JAKMIP3: variants seen among roughly 807,000 people sequenced by gnomAD.
JAKMIP3 encodes the protein Janus kinase and microtubule interacting protein 3, also known as janus kinase and microtubule-interacting protein 3.
JAKMIP3 carries 58 observed loss-of-function variants against 118.5 expected under a neutral mutation model. The observed-to-expected ratio is 0.49, with a 90% CI of 0.40 to 0.61. The LOEUF (loss-of-function observed/expected upper bound fraction) is 0.61, where lower values mean the gene tolerates loss of function less well. Among genes scored for constraint, JAKMIP3 ranks in the 20% least tolerant of loss-of-function variants. JAKMIP3 has a pLI of 0.00. For synonymous variants in JAKMIP3, 486 were observed against 451.2 expected (o/e 1.08, Z -0.98); for missense variants, 950 against 1,109.0 (o/e 0.86, Z 2.04).
At position 132,149,539 on chromosome 10, in the gene JAKMIP3, C is replaced by CCCCACCTCACCCATCCCCCG. The variant is rs2055407068; in HGVS notation, c.1947+32_1947+33insACCTCACCCATCCCCCGCCC. ...AGTCCCGCCCCTCCTGCCCACTCCG[C>CCCCACCTCACCCATCCCCCG]CCCCACCTCACCCATCCCCCGCCCC... On this transcript the variant is annotated intron_variant, in intron 15 of 23. Transcript: ENST00000684848. The CCCCACCTCACCCATCCCCCG allele has an allele frequency of 1.9e-4, 20 of 106,064 alleles. 1 individual carries two copies. The highest frequency in any genetic ancestry group is 1.1e-3 in the Admixed American group (2 of 1,886). The allele number at this position is 106,064 out of a possible 1,614,324, so 6.6% of individuals were successfully genotyped here.
In JAKMIP3 at chr10:132,159,665, T is replaced by TCA. The variant is rs1564981892; in HGVS notation, c.2221-3544_2221-3543insCA. 1.1e-3 allele frequency among the ~76,000 whole-genome samples: 101 copies of TCA among 88,576 alleles called. 1 individual carries two copies. The highest frequency in any genetic ancestry group is 2.1e-3 in the East Asian group (5 of 2,414). 58.1% of individuals were successfully genotyped at this position (88,576 alleles called of 152,430 possible). A position where few individuals can be genotyped will look rare whatever the true frequency, so the allele number is the denominator to read the frequency against. On this transcript the variant is annotated intron_variant, in intron 19 of 23. Transcript: ENST00000684848. The stretch of plus-strand genomic sequence containing the variant: ...TGGGGGGCCTCTCCCTGTGTGATGC[T>TCA]GGGGGGTCCTCTCCCTATGTGATGC...
intron 9 of JAKMIP3, among the ~76,000 whole-genome samples, chr10:132,139,466 GTGTA>G (rs1177666836): frequency 6.6e-6 from 1 of 150,660 alleles, no homozygotes; most frequent in Non-Finnish European, 1.5e-5. Context: ...GTCTGCATGT[GTGTA>G]TGTGTGAGTG....
At chr10:132,139,199 A>AGT (rs529551730) in intron 9 of JAKMIP3, among the ~76,000 whole-genome samples, 797 of 55,314 alleles carry the variant, frequency 0.014, 29 homozygotes, top group African/African-American at 0.052. Flanking sequence ...TGTGTGTATG[A>AGT]GTGTGTGTGT....
intron 4 of JAKMIP3, among the ~76,000 whole-genome samples, chr10:132,134,057 G>T (rs149596173): frequency 1.3e-5 from 2 of 152,228 alleles, no homozygotes; most frequent in African/African-American, 4.8e-5. Context: ...TCCCTGGGCC[G>T]CTCTGTCGTG....
intron 1 of JAKMIP3, among the ~76,000 whole-genome samples, chr10:132,102,061 G>A (rs1375753418): frequency 6.6e-6 from 1 of 152,138 alleles, no homozygotes; most frequent in Non-Finnish European, 1.5e-5. Context: ...AGAGCAGCTT[G>A]TTATCAAGAG....
At chr10:132,145,016 A>G in intron 11 of JAKMIP3, 91 bp from the exon 12 acceptor site, 1 of 1,049,432 alleles carries the variant, frequency 9.5e-7, no homozygotes, top group Non-Finnish European at 1.4e-6. Flanking sequence ...ACTGAACCAA[A>G]AGACAGACCC....
intron 21 of JAKMIP3, among the ~76,000 whole-genome samples, chr10:132,165,130 C>T (rs2058764304): frequency 6.6e-6 from 1 of 152,196 alleles, no homozygotes; most frequent in Non-Finnish European, 1.5e-5. Context: ...TTGCACTGGT[C>T]TAAGAATCCA....
rs576835066 is a variant in JAKMIP3, at chr10:132,119,830, C to T, written c.633+2256C>T. Among the ~76,000 whole-genome samples, 39 of 152,238 alleles carry T rather than the reference C, an allele frequency of 2.6e-4. No individual in the cohort carries two copies. The South Asian group carries it at 6.8e-3, about 27-fold the overall frequency. On this transcript the variant is annotated intron_variant, in intron 3 of 23. Coordinates refer to ENST00000684848, the MANE Select transcript of JAKMIP3 (RefSeq NM_001323087.2). ...TGTCATACAAACTCTACAATGAACA[C>T]GTCAAAGATTTTATTAACTCATTAA...
chr10:132,173,310 G>A (rs188677747), intron 23 of JAKMIP3, among the ~76,000 whole-genome samples: 18 of 145,316 alleles, frequency 1.2e-4, no homozygotes, highest in South Asian at 2.2e-4. Flanking sequence ...GTGGTTCTTC[G>A]CAGCCATCTT....
At chr10:132,180,246 T>A (rs2060610574) in intron 23 of JAKMIP3, among the ~76,000 whole-genome samples, 1 of 151,942 alleles carries the variant, frequency 6.6e-6, no homozygotes, top group Non-Finnish European at 1.5e-5. Context: ...ACAGAGACAC[T>A]CTTGAGTGAG....
At chr10:132,156,971 G>C (rs962248991) in intron 19 of JAKMIP3, among the ~76,000 whole-genome samples, 6 of 152,270 alleles carry the variant, frequency 3.9e-5, no homozygotes, top group South Asian at 2.1e-4. Context: ...CCAGCACACA[G>C]AGAAAGACTG....
chr10:132,113,319 C>T (rs1424146160), intron 2 of JAKMIP3, among the ~76,000 whole-genome samples: 1 of 152,242 alleles, frequency 6.6e-6, no homozygotes, highest in Non-Finnish European at 1.5e-5. Flanking sequence ...CCTCAGAAGC[C>T]GCTGGAAGCC....
At chr10:132,130,296 A>G (rs902633) in intron 3 of JAKMIP3, among the ~76,000 whole-genome samples, 140,519 of 152,282 alleles carry the variant, frequency 0.92, 64,971 homozygotes, top group East Asian at 0.99. Context: ...TGGGTGATGG[A>G]GGTCCTTCCT....
chr10:132,095,432 C>CTCAGCTCCAGGTGAGCTCAGAATCT (rs1387765304), intron 1 of JAKMIP3, among the ~76,000 whole-genome samples: 4 of 152,232 alleles, frequency 2.6e-5, no homozygotes, highest in South Asian at 2.1e-4. Context: ...TTTCGCTCGA[C>CTCAGCTCCAGGTGAGCTCAGAATCT]TCAGCTCCAG....
intron 23 of JAKMIP3, among the ~76,000 whole-genome samples, chr10:132,174,403 CCTCCGTGGCCTCCGTGGGCTCAGTGGG>C (rs974722058): frequency 6.6e-6 from 1 of 151,774 alleles, no homozygotes; most frequent in African/African-American, 2.4e-5. Context: ...GGCTCAATGG[CCTCCGTGGCCTCCGTGGGCTCAGTGGG>C]CTCCGTGGGC....
At chr10:132,053,145 C>A (rs987707463) in intron 1 of JAKMIP3, among the ~76,000 whole-genome samples, 2 of 152,176 alleles carry the variant, frequency 1.3e-5, no homozygotes, top group Non-Finnish European at 2.9e-5. Flanking sequence ...TGGAGGCTCT[C>A]CAGTTGGGAA....
intron 1 of JAKMIP3, among the ~76,000 whole-genome samples, chr10:132,053,878 CA>C (rs920117394): frequency 2.0e-5 from 3 of 150,808 alleles, no homozygotes; most frequent in African/African-American, 7.3e-5. Context: ...ACTAAAAATA[CA>C]AAAAAAAATT....
chr10:132,085,503 C>CTTT (rs529358675), intron 1 of JAKMIP3, among the ~76,000 whole-genome samples: 10 of 144,412 alleles, frequency 6.9e-5, no homozygotes, highest in East Asian at 2.0e-4. Flanking sequence ...TTTTCTCTCT[C>CTTT]TTTTTTTTTT....
rs537550858 is a variant in JAKMIP3, at chr10:132,168,122, G to T, written c.*192G>T. 3.9e-6 allele frequency: 5 copies of T among 1,288,386 alleles called. No homozygotes were observed. Among genetic ancestry groups the T allele is most frequent in the Admixed American group, 4.6e-5 (2 of 43,476 alleles). 79.8% of individuals were successfully genotyped at this position (1,288,386 alleles called of 1,614,324 possible). On this transcript the variant is annotated 3_prime_UTR_variant, in exon 23 of 24. Coordinates refer to ENST00000684848, the MANE Select transcript of JAKMIP3 (RefSeq NM_001323087.2). ...TGGGGCGTGGAGCTGCCGTCCACGT[G>T]GGATGTGCCAGAACTAGAACTGGCT...
Sources: gnomAD v4.1 joint callset for allele counts (sites outside exome capture counted in the v4.1 genomes callset) on GRCh38, gnomAD v4.1.1 for gene constraint, MANE v1.5 for transcripts, NCBI Gene and HGNC (gene_info 2026-07-23, HGNC 2026-07-21) for gene names.